ADGRV1: variants seen among roughly 807,000 people sequenced by gnomAD.
ADGRV1 encodes the protein G-protein coupled receptor 98.
Under a neutral mutation model 596.2 loss-of-function variants are expected in ADGRV1, and 359 were observed. The observed-to-expected ratio is 0.60, with a 90% CI of 0.55 to 0.66. The LOEUF (loss-of-function observed/expected upper bound fraction) is 0.66, where lower values mean the gene tolerates loss of function less well. ADGRV1 is among the 30% of genes least tolerant of loss of function. ADGRV1 has a pLI of 0.00. For synonymous variants in ADGRV1, 2,681 were observed against 2,679.2 expected, an observed-to-expected ratio of 1.00 and a Z score of -0.02; for missense variants, 7,274 against 7,575.6, an observed-to-expected ratio of 0.96 and a Z score of 1.48.
At position 90,932,691 on chromosome 5, in the gene ADGRV1, A is replaced by G. The variant is rs140297893; in HGVS notation, c.17857-32724A>G. On this transcript the variant is annotated intron_variant, in intron 83 of 89. Transcript: ENST00000405460. The stretch of plus-strand genomic sequence containing the variant: ...AGCTCAGTTGTGAACAATTGAAAAC[A>G]TTAAGTCACCATAGAATGCATCGCT... Among the ~76,000 whole-genome samples, 115 of 151,730 alleles carry G rather than the reference A, an allele frequency of 7.6e-4. 1 individual carries two copies. Among genetic ancestry groups the G allele is most frequent in the Non-Finnish European group, 1.1e-3 (77 of 67,918 alleles).
At chr5:90,572,941 G>A (rs1208179481) in intron 1 of ADGRV1, among the ~76,000 whole-genome samples, 3 of 152,094 alleles carry the variant, frequency 2.0e-5, no homozygotes, top group African/African-American at 7.2e-5. Flanking sequence ...GCATTTAAAA[G>A]GAATTTGTCC....
At chr5:90,970,037 T>G (rs28439406) in intron 84 of ADGRV1, among the ~76,000 whole-genome samples, 1 of 152,210 alleles carries the variant, frequency 6.6e-6, no homozygotes, top group South Asian at 2.1e-4. Context: ...AATACTGCGC[T>G]TTTCCAATGG....
chr5:90,674,034 C>G lies in ADGRV1; in HGVS notation c.4930-20C>G. ...CTAAATGCCTCATTGCTTAGTGCCT[C>G]TGGATATTTATATTTTTAGGTTCTG... is the stretch of plus-strand genomic sequence containing the variant. On this transcript the variant is annotated intron_variant, in intron 22 of 89. Coordinates refer to ENST00000405460, the MANE Select transcript of ADGRV1 (RefSeq NM_032119.4). 4 of 1,574,714 alleles carry G rather than the reference C, an allele frequency of 2.5e-6. No individual in the cohort carries two copies. Among genetic ancestry groups the G allele is most frequent in the Non-Finnish European group, 3.5e-6 (4 of 1,149,350 alleles).
At chr5:90,561,136 G>A (rs1218859997) in intron 1 of ADGRV1, among the ~76,000 whole-genome samples, 1 of 152,084 alleles carries the variant, frequency 6.6e-6, no homozygotes, top group Non-Finnish European at 1.5e-5. Context: ...GTATTATCCT[G>A]ATTTGCAAAT....
At chr5:90,829,271 A>G (rs1764331529) in intron 77 of ADGRV1, 85 bp downstream of exon 77, 1 of 1,105,552 alleles carries the variant, frequency 9.0e-7, no homozygotes, top group East Asian at 2.6e-5. Context: ...AATAATTGAT[A>G]CATTATTTTC....
In ADGRV1 at chr5:90,783,185, T is replaced by C. The variant is rs375468899; in HGVS notation, c.13293T>C (p.Tyr4431=). 217 of 1,613,592 alleles carry C rather than the reference T, an allele frequency of 1.3e-4. 1 individual carries two copies. The highest frequency in any genetic ancestry group is 3.3e-4 in the Middle Eastern group (2 of 6,082). The change falls in exon 66 of 90, where the codon TAT becomes TAC. Residue 4431 remains tyrosine, a synonymous_variant. Coordinates refer to ENST00000405460, the MANE Select transcript of ADGRV1 (RefSeq NM_032119.4). ...PVVRLHGTYG[Y]VTADFISQSS... Reference sequence around the variant, plus strand: ...TGAGGCTACATGGAACTTATGGCTATGTGACAGCTGATTTCATCTCTCAGA... The same window carrying C: ...TGAGGCTACATGGAACTTATGGCTACGTGACAGCTGATTTCATCTCTCAGA...
At chr5:90,776,146 A>G (rs1289907461) in intron 60 of ADGRV1, among the ~76,000 whole-genome samples, 1 of 152,164 alleles carries the variant, frequency 6.6e-6, no homozygotes, top group Non-Finnish European at 1.5e-5. Flanking sequence ...GTTACTGTAG[A>G]AACAAATTAA....
At chr5:90,567,452 A>G (rs544937130) in intron 1 of ADGRV1, among the ~76,000 whole-genome samples, 1 of 152,210 alleles carries the variant, frequency 6.6e-6, no homozygotes, top group Admixed American at 6.5e-5. Flanking sequence ...GACTTTCTTC[A>G]TGGTAAGTTT....
intron 1 of ADGRV1, among the ~76,000 whole-genome samples, chr5:90,586,666 G>T (rs1758802395): frequency 6.6e-6 from 1 of 152,218 alleles, no homozygotes; most frequent in Admixed American, 6.5e-5. Context: ...TCGGTATGGT[G>T]CTGTGAATTT....
intron 56 of ADGRV1, 37 bp from the exon 57 acceptor site, chr5:90,756,941 AT>A: frequency 6.8e-7 from 1 of 1,468,902 alleles, no homozygotes; most frequent in Non-Finnish European, 9.2e-7. Flanking sequence ...GAGAGTTACC[AT>A]TTTATCTTGC....
intron 83 of ADGRV1, among the ~76,000 whole-genome samples, chr5:90,936,938 CAG>C (rs1266309525): frequency 2.0e-5 from 3 of 152,066 alleles, no homozygotes; most frequent in African/African-American, 4.8e-5. Flanking sequence ...AATAGGTTGA[CAG>C]GGTATAAAAT....
At chr5:90,710,665 A>G (rs77173120) in intron 39 of ADGRV1, among the ~76,000 whole-genome samples, 3,030 of 152,008 alleles carry the variant, frequency 0.02, 89 homozygotes, top group African/African-American at 0.07. Flanking sequence ...TAGTGATATT[A>G]TAGAATAGAG....
At chr5:90,982,359 T>C (rs1476905957) in intron 84 of ADGRV1, among the ~76,000 whole-genome samples, 1 of 152,166 alleles carries the variant, frequency 6.6e-6, no homozygotes, top group Admixed American at 6.5e-5. Context: ...AGTGAGGACA[T>C]ATTGTATAGT....
chr5:91,075,045 C>T (rs1349122715), intron 86 of ADGRV1, among the ~76,000 whole-genome samples: 3 of 151,938 alleles, frequency 2.0e-5, no homozygotes, highest in Non-Finnish European at 4.4e-5. Flanking sequence ...TGGTTTTTGC[C>T]TGTTCATTTG....
intron 1 of ADGRV1, among the ~76,000 whole-genome samples, chr5:90,591,784 G>C (rs1759538850): frequency 6.6e-6 from 1 of 152,160 alleles, no homozygotes; most frequent in African/African-American, 2.4e-5. Context: ...GAATTAATAA[G>C]AATTAATAAG....
rs373965987 is a variant in ADGRV1, at chr5:90,982,769, A to C, written c.17974-2575A>C. 3.1e-4 allele frequency among the ~76,000 whole-genome samples: 47 copies of C among 152,202 alleles called. 2 individuals carry two copies. The East Asian group carries it at 6.8e-3, about 22-fold the overall frequency. On this transcript the variant is annotated intron_variant, in intron 84 of 89. Transcript: ENST00000405460. Reference sequence around the variant, plus strand: ...GCCGGGCCAGGCTTCTCCCCTGATTAAATCAGCTGTGGCCAGGGGAGCAAT... The same window carrying C: ...GCCGGGCCAGGCTTCTCCCCTGATTCAATCAGCTGTGGCCAGGGGAGCAAT...
rs778146797 is a variant in ADGRV1, at chr5:90,810,825, C to G, written c.15565C>G (p.Pro5189Ala). 6.2e-7 allele frequency: 1 copy of G among 1,613,854 alleles called. No homozygotes were observed. The highest frequency in any genetic ancestry group is 8.5e-7 in the Non-Finnish European group (1 of 1,179,888). Residue 5189 changes from proline (P) to alanine (A), a missense_variant, in exon 74 of 90, where the codon CCT (proline) becomes GCT (alanine). Physicochemically the swap from Pro to Ala is conservative, Grantham distance 27. Around this residue, in one of 5 missense-constraint regions of ADGRV1, gnomAD observed 1,874 missense variants for 1,970.2 expected, o/e 0.95. Transcript: ENST00000405460. ...TGAGGCAACTGGTGTATCTGCCATCCCTGAGAAACTTGTCACCCTTCATGG... is the reference window on the plus strand; with the variant it reads ...TGAGGCAACTGGTGTATCTGCCATCGCTGAGAAACTTGTCACCCTTCATGG... The part of the protein sequence containing the change: ...VTEATGVSAI[P>A]EKLVTLHGTP...
intron 42 of ADGRV1, 92 bp downstream of exon 42, chr5:90,712,520 G>A: frequency 2.1e-6 from 2 of 936,158 alleles, no homozygotes; most frequent in Non-Finnish European, 3.2e-6. Flanking sequence ...AAGTCTTGGT[G>A]GTTTTCTGTG....
intron 85 of ADGRV1, among the ~76,000 whole-genome samples, chr5:91,059,912 T>A (rs1323959985): frequency 6.6e-6 from 1 of 152,120 alleles, no homozygotes; most frequent in Non-Finnish European, 1.5e-5. Flanking sequence ...AATAGTAACA[T>A]CATAGACTAG....
Sources: gnomAD v4.1 joint callset for allele counts (sites outside exome capture counted in the v4.1 genomes callset) on GRCh38, gnomAD v4.1.1 for gene constraint, gnomAD v4.1.1 regional missense constraint, MANE v1.5 for transcripts, NCBI Gene and HGNC (gene_info 2026-07-23, HGNC 2026-07-21) for gene names.